ZNF541: variants seen among roughly 807,000 people sequenced by gnomAD.
The protein encoded by ZNF541 is zinc finger protein 541.
A neutral mutation model predicts 123.5 loss-of-function variants in ZNF541; 23 were observed. The observed-to-expected ratio is 0.19, with a 90% CI of 0.13 to 0.26. The LOEUF (loss-of-function observed/expected upper bound fraction) is 0.26, where lower values mean the gene tolerates loss of function less well. ZNF541 is among the 10% of genes least tolerant of loss of function. ZNF541 has a pLI of 1.00. For synonymous variants in ZNF541, 751 were observed against 754.5 expected, an observed-to-expected ratio of 1.00 and a Z score of 0.08; for missense variants, 1,612 against 1,789.9, an observed-to-expected ratio of 0.90 and a Z score of 1.79.
intron 2 of ZNF541, among the ~76,000 whole-genome samples, chr19:47,565,153 G>C (rs867720303): frequency 9.2e-5 from 14 of 152,028 alleles, no homozygotes; most frequent in African/African-American, 3.1e-4. Flanking sequence ...TGGGGACTTG[G>C]GGGGAAAGGG....
chr19:47,558,734 C>A (rs750282725), intron 2 of ZNF541, among the ~76,000 whole-genome samples: 20 of 151,000 alleles, frequency 1.3e-4, no homozygotes, highest in Non-Finnish European at 2.7e-4. Context: ...TGCCCACCAC[C>A]ACGCCCAGCT....
At position 47,555,848 on chromosome 19, in the gene ZNF541, C is replaced by T. The variant is rs1970801051; in HGVS notation, c.9G>A (p.Gln3=). 5.2e-6 allele frequency: 8 copies of T among 1,549,872 alleles called. No homozygotes were observed. Among genetic ancestry groups the T allele is most frequent in the Non-Finnish European group, 7.0e-6 (8 of 1,146,096 alleles). The change falls in exon 3 of 17, where the codon CAG becomes CAA. Residue 3 remains glutamine, a synonymous_variant. Coordinates refer to ENST00000391901, the MANE Select transcript of ZNF541 (RefSeq NM_001277075.3). Reference sequence around the variant, plus strand: ...GGGCACCCTCGTCTCCAAGGCTGTACTGGTCCATGGCTCTCCACTGCCAGG... The same window carrying T: ...GGGCACCCTCGTCTCCAAGGCTGTATTGGTCCATGGCTCTCCACTGCCAGG... MD[Q]YSLGDEGALP...
Position 47,560,453 on chromosome 19 carries a change from G to A in ZNF541, c.-98-4499C>T, listed in dbSNP as rs1267352911. On this transcript the variant is annotated intron_variant, in intron 2 of 16. Coordinates refer to ENST00000391901, the MANE Select transcript of ZNF541 (RefSeq NM_001277075.3). The stretch of plus-strand genomic sequence containing the variant: ...TAGCTGGGCATGGTGGCAGGTGCCT[G>A]TAATCCCAGCTGCTTGGGAGGCTGA... Among the ~76,000 whole-genome samples, 2 of 151,734 alleles carry A rather than the reference G, an allele frequency of 1.3e-5. 1 individual carries two copies. The highest frequency in any genetic ancestry group is 4.8e-5 in the African/African-American group (2 of 41,278).
intron 9 of ZNF541, among the ~76,000 whole-genome samples, chr19:47,534,534 C>G (rs1969727660): frequency 6.6e-6 from 1 of 151,846 alleles, no homozygotes; most frequent in African/African-American, 2.4e-5. Flanking sequence ...CCCTGTAATC[C>G]CAGCTACTCG....
At chr19:47,527,086 T>C (rs1044808954) in intron 14 of ZNF541, among the ~76,000 whole-genome samples, 1 of 152,188 alleles carries the variant, frequency 6.6e-6, no homozygotes, top group African/African-American at 2.4e-5. Context: ...GTAGAGTCCA[T>C]ACTGTGTGAC....
intron 8 of ZNF541, among the ~76,000 whole-genome samples, chr19:47,538,689 A>T (rs1295503344): frequency 6.6e-6 from 1 of 152,164 alleles, no homozygotes; most frequent in Non-Finnish European, 1.5e-5. Context: ...AATAGCCTCA[A>T]TCATTAAGAT....
intron 8 of ZNF541, among the ~76,000 whole-genome samples, chr19:47,539,395 G>T (rs575282598): frequency 6.6e-6 from 1 of 151,394 alleles, no homozygotes; most frequent in East Asian, 1.9e-4. Context: ...TCCTTCCTGG[G>T]TTCAAGTGAT....
chr19:47,556,922 T>A (rs181685826), intron 2 of ZNF541, among the ~76,000 whole-genome samples: 50 of 151,830 alleles, frequency 3.3e-4, no homozygotes, highest in African/African-American at 1.2e-3. Flanking sequence ...CACACCTGGC[T>A]AATTTTTGTA....
At chr19:47,568,674 A>T (rs550573228) in intron 2 of ZNF541, among the ~76,000 whole-genome samples, 1 of 150,452 alleles carries the variant, frequency 6.6e-6, no homozygotes, top group African/African-American at 2.4e-5. Context: ...TCCTACTCCA[A>T]TTTTTTTTGT....
At chr19:47,565,572 GA>G (rs572413731) in intron 2 of ZNF541, among the ~76,000 whole-genome samples, 367 of 152,280 alleles carry the variant, frequency 2.4e-3, no homozygotes, top group Non-Finnish European at 4.6e-3. Context: ...TTCAAATTGA[GA>G]CAAGGGATGG....
At chr19:47,524,017 C>T (rs1969171993) in intron 14 of ZNF541, among the ~76,000 whole-genome samples, 1 of 152,130 alleles carries the variant, frequency 6.6e-6, no homozygotes, top group South Asian at 2.1e-4. Context: ...AGGAAGAGTG[C>T]CCGTTCCCAC....
chr19:47,535,655 G>A (rs1473681827), intron 9 of ZNF541, among the ~76,000 whole-genome samples: 1 of 151,966 alleles, frequency 6.6e-6, no homozygotes, highest in Non-Finnish European at 1.5e-5. Context: ...ATAAGGCTGG[G>A]TGTGGTGGCT....
intron 14 of ZNF541, among the ~76,000 whole-genome samples, chr19:47,523,689 A>G (rs1969155455): frequency 1.3e-5 from 2 of 152,224 alleles, no homozygotes; most frequent in African/African-American, 4.8e-5. Flanking sequence ...ACAGGAAGCA[A>G]GCTGCCACCG....
chr19:47,562,277 C>A (rs1971096440), intron 2 of ZNF541, among the ~76,000 whole-genome samples: 1 of 150,002 alleles, frequency 6.7e-6, no homozygotes, highest in South Asian at 2.1e-4. Context: ...GGCGCGCTGG[C>A]TCATGCCTGT....
In ZNF541 at chr19:47,544,482, A is replaced by G; in HGVS notation, c.2047T>C (p.Ser683Pro). The G allele has an allele frequency of 6.4e-7, 1 of 1,551,656 alleles. No individual in the cohort carries two copies. Among genetic ancestry groups the G allele is most frequent in the Admixed American group, 2.0e-5 (1 of 51,000 alleles). ...ISSLAKQLRS[S>P]KGTLDLEDIF... ...TCCTCCAGGTCCAAGGTCCCTTTAG[A>G]GGATCGCAGCTGCTTGGCCAGAGAA... Residue 683 changes from serine to proline, a missense_variant, in exon 5 of 17, where the codon TCT becomes CCT. Coordinates refer to ENST00000391901, the MANE Select transcript of ZNF541 (RefSeq NM_001277075.3).
chr19:47,572,671 G>C (rs116656057), intron 1 of ZNF541, among the ~76,000 whole-genome samples: 2,105 of 152,010 alleles, frequency 0.014, 32 homozygotes, highest in Middle Eastern at 0.054. Context: ...GCCTGGAAGA[G>C]GCTAGCGAAT....
chr19:47,572,529 A>G (rs1971511145), intron 1 of ZNF541, among the ~76,000 whole-genome samples: 1 of 152,204 alleles, frequency 6.6e-6, no homozygotes, highest in East Asian at 1.9e-4. Context: ...GAAGTTACTT[A>G]AAGGAGGGGG....
chr19:47,564,092 C>T (rs1419595137), intron 2 of ZNF541, among the ~76,000 whole-genome samples: 1 of 152,146 alleles, frequency 6.6e-6, no homozygotes, highest in Non-Finnish European at 1.5e-5. Flanking sequence ...CTGACATTAG[C>T]GCTAATGGTC....
intron 14 of ZNF541, among the ~76,000 whole-genome samples, chr19:47,525,404 A>C (rs1284075166): frequency 6.6e-6 from 1 of 152,168 alleles, no homozygotes; most frequent in Non-Finnish European, 1.5e-5. Flanking sequence ...AAAATGGATA[A>C]GCTACTTAGA....
Sources: allele counts gnomAD v4.1 joint callset (sites outside exome capture counted in the v4.1 genomes callset), GRCh38; gene constraint gnomAD v4.1.1; transcripts MANE v1.5; gene names NCBI Gene and HGNC (gene_info 2026-07-23, HGNC 2026-07-21).